TCF12: variants seen among roughly 807,000 people sequenced by gnomAD.
The protein encoded by TCF12 is transcription factor 12.
In TCF12, 45 loss-of-function variants were observed where a neutral mutation model predicts 86.0. The ratio of observed to expected loss-of-function variants is 0.52; its 90% confidence interval spans 0.41 to 0.67. The LOEUF is 0.67. Ranked by LOEUF, TCF12 falls within the 30% of genes least tolerant of loss-of-function variation. The pLI, the probability that TCF12 is intolerant of heterozygous loss-of-function variation, is 0.00. For missense variants in TCF12, 881 were observed against 859.9 expected, an observed-to-expected ratio of 1.02 and a Z score of -0.31; for synonymous variants, 330 against 299.6, an observed-to-expected ratio of 1.10 and a Z score of -1.05.
chr15:57,024,216 C>CTTTTTTTTTTTTTTTTTTT (rs59793819), intron 3 of TCF12, among the ~76,000 whole-genome samples: 20 of 111,282 alleles, frequency 1.8e-4, no homozygotes, highest in Middle Eastern at 5.4e-3. Flanking sequence ...AAAAAAGTGT[C>CTTTTTTTTTTTTTTTTTTT]TTTTTTTTTT....
rs1465415771 is a variant in TCF12 at position 57,289,388 on chromosome 15, G to A, written c.*3243G>A. ...ATCTGTGAAAACTGAGACTCAGATT[G>A]TATGTCTCTAAGAACACATAATTAG... On this transcript the variant is annotated 3_prime_UTR_variant, in exon 21 of 21. Coordinates refer to ENST00000333725, the MANE Select transcript of TCF12 (RefSeq NM_207037.2). 1.3e-5 allele frequency: 2 copies of A among 152,072 alleles called. No individual in the cohort carries two copies. The highest frequency in any genetic ancestry group is 4.8e-5 in the African/African-American group (2 of 41,378). 9.4% of individuals were successfully genotyped at this position (152,072 alleles called of 1,614,324 possible).
chr15:56,932,359 A>T (rs552637550), intron 3 of TCF12, among the ~76,000 whole-genome samples: 23 of 152,306 alleles, frequency 1.5e-4, no homozygotes, highest in African/African-American at 5.5e-4. Context: ...AGCAAACTCT[A>T]ATCAGTTGTA....
At chr15:57,063,153 T>C (rs2068591615) in intron 3 of TCF12, among the ~76,000 whole-genome samples, 1 of 152,244 alleles carries the variant, frequency 6.6e-6, no homozygotes, top group Admixed American at 6.5e-5. Context: ...TCAAATTGTG[T>C]ATAATTTTAG....
intron 3 of TCF12, 105 bp from the exon 4 acceptor site, chr15:57,063,645 C>T (rs767678997): frequency 3.9e-5 from 31 of 803,788 alleles, no homozygotes; most frequent in African/African-American, 1.7e-4. Context: ...AGCTCTTCCA[C>T]GAAAGCGCAA....
Position 57,287,822 on chromosome 15 carries a change from A to G in TCF12, c.*1677A>G, listed in dbSNP as rs1286036701. ...GGACTTTTTGGTTACTTTAATTTGC[A>G]TATATTCTCCAGTTACATCGGACTC... is the stretch of plus-strand genomic sequence containing the variant. On this transcript the variant is annotated 3_prime_UTR_variant, in exon 21 of 21. Transcript: ENST00000333725. 6.6e-6 allele frequency: 1 copy of G among 152,654 alleles called. No homozygotes were observed. The highest frequency in any genetic ancestry group is 2.4e-5 in the African/African-American group (1 of 41,470). 9.5% of individuals were successfully genotyped at this position (152,654 alleles called of 1,614,324 possible). A position where few individuals can be genotyped will look rare whatever the true frequency, so the allele number is the denominator to read the frequency against.
At chr15:57,112,839 A>G (rs1418368826) in intron 5 of TCF12, among the ~76,000 whole-genome samples, 2 of 152,216 alleles carry the variant, frequency 1.3e-5, no homozygotes, top group Non-Finnish European at 2.9e-5. Flanking sequence ...ATAAAAATAG[A>G]ATACTGTCTA....
chr15:56,955,408 G>T (rs183740704), intron 3 of TCF12, among the ~76,000 whole-genome samples: 3 of 152,050 alleles, frequency 2.0e-5, no homozygotes, highest in Non-Finnish European at 4.4e-5. Flanking sequence ...GTCGTAGGGT[G>T]GGGGGCTGGG....
chr15:57,157,583 G>A (rs542651292), intron 5 of TCF12, among the ~76,000 whole-genome samples: 6 of 146,272 alleles, frequency 4.1e-5, no homozygotes, highest in Non-Finnish European at 8.9e-5. Context: ...TTTTTGAGTC[G>A]GAGTCTTGCT....
intron 3 of TCF12, among the ~76,000 whole-genome samples, chr15:56,968,749 T>G (rs535017419): frequency 1.3e-5 from 2 of 152,328 alleles, no homozygotes; most frequent in African/African-American, 4.8e-5. Context: ...GATGTGCCAG[T>G]GACACAGCCT....
chr15:57,063,898 CT>C (rs1334525762), intron 4 of TCF12, 75 bp downstream of exon 4: 2 of 1,131,280 alleles, frequency 1.8e-6, no homozygotes, highest in African/African-American at 3.1e-5. Flanking sequence ...TATGCTGTTT[CT>C]TATGAGAAAT....
intron 4 of TCF12, chr15:57,072,648 C>CTCAG (rs1251519636): frequency 8.5e-6 from 11 of 1,299,022 alleles, no homozygotes; most frequent in Non-Finnish European, 1.1e-5. Flanking sequence ...GCCTCTTGAT[C>CTCAG]TCAGGTACAA....
chr15:57,152,011 A>G (rs2053796815), intron 5 of TCF12, among the ~76,000 whole-genome samples: 2 of 152,172 alleles, frequency 1.3e-5, no homozygotes, highest in Non-Finnish European at 2.9e-5. Flanking sequence ...AGGATGAAAT[A>G]CTAACAGAAA....
chr15:57,031,853 A>T (rs368712556), intron 3 of TCF12, among the ~76,000 whole-genome samples: 3 of 152,090 alleles, frequency 2.0e-5, no homozygotes, highest in Admixed American at 1.3e-4. Context: ...TTTTCTTACA[A>T]CTTAGTCCCA....
At chr15:57,116,090 C>T (rs1402186123) in intron 5 of TCF12, among the ~76,000 whole-genome samples, 3 of 152,112 alleles carry the variant, frequency 2.0e-5, no homozygotes, top group African/African-American at 7.2e-5. Flanking sequence ...GTTAGTCCCA[C>T]CTTATAGTTG....
At chr15:57,034,355 T>C (rs1224115355) in intron 3 of TCF12, among the ~76,000 whole-genome samples, 1 of 152,156 alleles carries the variant, frequency 6.6e-6, no homozygotes, top group Non-Finnish European at 1.5e-5. Flanking sequence ...CACTTCTGGG[T>C]GGGCAAGAAG....
intron 3 of TCF12, among the ~76,000 whole-genome samples, chr15:56,931,681 A>G (rs1433690610): frequency 1.3e-5 from 2 of 152,214 alleles, no homozygotes; most frequent in Non-Finnish European, 2.9e-5. Flanking sequence ...TACTCATTAC[A>G]GGCATCTTAA....
chr15:57,084,098 A>C (rs929059482), intron 4 of TCF12, among the ~76,000 whole-genome samples: 2 of 152,174 alleles, frequency 1.3e-5, no homozygotes, highest in Admixed American at 1.3e-4. Context: ...GGTTTTAATA[A>C]AATTATATTG....
Position 57,024,216 on chromosome 15 carries a change from CTTTTTTT to C in TCF12, c.149-39516_149-39510del, listed in dbSNP as rs59793819. Among the ~76,000 whole-genome samples the C allele has an allele frequency of 1.9e-4, 21 of 111,294 alleles. 1 individual carries two copies. The highest frequency in any genetic ancestry group is 5.4e-4 in the Admixed American group (5 of 9,298). 73.0% of individuals were successfully genotyped at this position (111,294 alleles called of 152,430 possible). On this transcript the variant is annotated intron_variant, in intron 3 of 20. Transcript: ENST00000333725. ...TGAGGACCCATACTCAAAAAAGTGT[CTTTTTTT>C]TTTTTTTTTTTTTTTTTGAGACGGA...
intron 3 of TCF12, among the ~76,000 whole-genome samples, chr15:57,052,006 G>A (rs993624853): frequency 6.6e-6 from 1 of 152,142 alleles, no homozygotes; most frequent in Non-Finnish European, 1.5e-5. Flanking sequence ...TTAATGGCAT[G>A]ACTTTATGTC....
Sources: gnomAD v4.1 joint callset for allele counts (sites outside exome capture counted in the v4.1 genomes callset) on GRCh38, gnomAD v4.1.1 for gene constraint, MANE v1.5 for transcripts, NCBI Gene and HGNC (gene_info 2026-07-23, HGNC 2026-07-21) for gene names.